Variants in AGR2 observed in about 807,000 individuals in gnomAD.
AGR2 encodes the protein anterior gradient 2, protein disulphide isomerase family member, also known as anterior gradient protein 2 homolog.
Under a neutral mutation model 25.9 loss-of-function variants are expected in AGR2, and 27 were observed. The ratio of observed to expected loss-of-function variants is 1.04; its 90% CI spans 0.77 to 1.44. The LOEUF is 1.44. AGR2 is among the 40% of genes most tolerant of loss of function. AGR2 has a pLI of 0.00. For synonymous variants in AGR2, 78 were observed against 72.0 expected, an observed-to-expected ratio of 1.08 and a Z score of -0.42; for missense variants, 182 against 200.9, an observed-to-expected ratio of 0.91 and a Z score of 0.57.
Position 16,797,625 on chromosome 7 carries a change from G to A in AGR2, c.394+6C>T, listed in dbSNP as rs368290424. ...TCCGAGTTATCTCACTGTCACTTCC[G>A]CTTACCAACAAACATAATCCTGGGG... On this transcript the variant is annotated splice_donor_region_variant and intron_variant, in intron 6 of 7. Transcript: ENST00000419304. 2.1e-4 allele frequency: 343 copies of A among 1,613,278 alleles called. No individual in the cohort carries two copies. Among genetic ancestry groups the A allele is most frequent in the Non-Finnish European group, 2.8e-4 (329 of 1,179,534 alleles).
At position 16,792,956 on chromosome 7, in the gene AGR2, C is replaced by A. The variant is rs747674876; in HGVS notation, c.480G>T (p.Leu160Phe). Residue 160 changes from leucine to phenylalanine, a missense_variant and splice_region_variant, in exon 8 of 8, where the codon TTG becomes TTT. Coordinates refer to ENST00000419304, the MANE Select transcript of AGR2 (RefSeq NM_006408.4). The part of the protein sequence containing the change: ...YAYEPADTAL[L>F]LDNMKKALKL... ...TGAGAGCTTTCTTCATGTTGTCAAG[C>A]ACTAATGGGGGATAAAAGCAGGAGA... is the stretch of plus-strand genomic sequence containing the variant. The A allele has an allele frequency of 1.9e-6, 3 of 1,613,892 alleles. No homozygotes were observed. Among genetic ancestry groups the A allele is most frequent in the Non-Finnish European group, 2.5e-6 (3 of 1,179,846 alleles).
At chr7:16,802,106 G>A (rs34114714) in intron 1 of AGR2, among the ~76,000 whole-genome samples, 44,883 of 151,524 alleles carry the variant, frequency 0.3, 7,523 homozygotes, top group Admixed American at 0.39. Flanking sequence ...AGCTAACCAC[G>A]GTCAACCGCG....
chr7:16,802,961 G>T (rs1224937251), intron 1 of AGR2, among the ~76,000 whole-genome samples: 1 of 151,874 alleles, frequency 6.6e-6, no homozygotes, highest in Non-Finnish European at 1.5e-5. Flanking sequence ...GCCTCCCAAG[G>T]AGCTGGGGCT....
intron 2 of AGR2, 129 bp from the exon 3 acceptor site, chr7:16,801,512 G>A (rs1785143700): frequency 1.5e-6 from 2 of 1,344,142 alleles, no homozygotes; most frequent in Middle Eastern, 1.8e-4. Context: ...GGAGAAAGTA[G>A]AAATAATTAT....
rs999763937 is a variant in AGR2, at chr7:16,792,575, C to G, written c.*333G>C. 1.2e-5 allele frequency: 3 copies of G among 259,648 alleles called. No individual in the cohort carries two copies. Among genetic ancestry groups the G allele is most frequent in the Admixed American group, 5.1e-5 (1 of 19,504 alleles). The allele number at this position is 259,648 out of a possible 1,614,324, so 16.1% of individuals were successfully genotyped here. On this transcript the variant is annotated 3_prime_UTR_variant, in exon 8 of 8. Transcript: ENST00000419304. ...GAACTAGTTTTGGTTTTGTCTTGTC[C>G]CTTCCTTGAGCATTTTGTGTGTGTT... is the stretch of plus-strand genomic sequence containing the variant.
chr7:16,800,813 G>T (rs892444967), intron 4 of AGR2, among the ~76,000 whole-genome samples: 4 of 152,184 alleles, frequency 2.6e-5, no homozygotes, highest in Non-Finnish European at 4.4e-5. Context: ...TAAGCTTGGG[G>T]CCCTGTGAGA....
chr7:16,801,446 A>AT (rs1258107615), intron 2 of AGR2, 63 bp from the exon 3 acceptor site: 1 of 1,500,472 alleles, frequency 6.7e-7, no homozygotes, highest in Non-Finnish European at 9.2e-7. Context: ...GCTGTTGAAA[A>AT]GCAATGGTAA....
chr7:16,801,689 A>G lies in AGR2; in HGVS notation c.108T>C (p.Ser36=), dbSNP rs1376866971. Residue 36 remains serine (S), a synonymous_variant, in exon 2 of 8, where the codon TCT becomes TCC. Transcript: ENST00000419304. The part of the protein sequence containing the change: ...KPGAKKDTKD[S]RPKLPQTLSR... The stretch of plus-strand genomic sequence containing the variant: ...AGAGGGTCTGGGGCAGTTTGGGTCG[A>G]GAGTCCTTTGTGTCCTTTTTGGCTC... The G allele has an allele frequency of 4.3e-6, 7 of 1,613,868 alleles. No homozygotes were observed. In the East Asian group the frequency reaches 8.9e-5, roughly 21 times the overall value.
chr7:16,795,104 T>G, intron 6 of AGR2, 85 bp from the exon 7 acceptor site: 1 of 1,403,184 alleles, frequency 7.1e-7, no homozygotes, highest in Non-Finnish European at 1.0e-6. Flanking sequence ...CTGAAGTTCA[T>G]GTATTCATGT....
At chr7:16,803,783 T>C (rs1463122248) in intron 1 of AGR2, among the ~76,000 whole-genome samples, 31 of 152,224 alleles carry the variant, frequency 2.0e-4, no homozygotes, top group Admixed American at 2.0e-3. Context: ...GACTTCTTTG[T>C]AATGTTAAAA....
chr7:16,793,081 C>A, intron 7 of AGR2, 124 bp from the exon 8 acceptor site: 1 of 858,094 alleles, frequency 1.2e-6, no homozygotes, highest in South Asian at 1.6e-5. Context: ...GACAAGGTCT[C>A]ACTCCCACTC....
chr7:16,797,173 C>T (rs549955376), intron 6 of AGR2, among the ~76,000 whole-genome samples: 12 of 152,180 alleles, frequency 7.9e-5, no homozygotes, highest in South Asian at 2.1e-4. Context: ...AGTGATCTGC[C>T]GGCCTTGGCC....
intron 6 of AGR2, among the ~76,000 whole-genome samples, chr7:16,795,555 T>A (rs1317941104): frequency 6.6e-6 from 1 of 152,208 alleles, no homozygotes; most frequent in Non-Finnish European, 1.5e-5. Flanking sequence ...GTTAATTAAC[T>A]GCATTTTTAA....
chr7:16,801,459 A>T, intron 2 of AGR2, 76 bp from the exon 3 acceptor site: 1 of 1,421,882 alleles, frequency 7.0e-7, no homozygotes, highest in Admixed American at 1.8e-5. Flanking sequence ...AATGGTAAAG[A>T]CTGGGATAAT....
In AGR2 at chr7:16,794,899, A is replaced by G. The variant is rs200729719; in HGVS notation, c.478+37T>C. ...ATCACTACAGCAATAGAGGTGTTCA[A>G]CTCTTGGGCAACATCCGAATTGAAG... On this transcript the variant is annotated intron_variant, in intron 7 of 7. Transcript: ENST00000419304. 1.7e-3 allele frequency: 2,822 copies of G among 1,613,770 alleles called. 7 individuals are homozygous for G. The highest frequency in any genetic ancestry group is 2.2e-3 in the Non-Finnish European group (2,611 of 1,179,814).
At chr7:16,795,298 A>T (rs75251581) in intron 6 of AGR2, among the ~76,000 whole-genome samples, 4,784 of 149,656 alleles carry the variant, frequency 0.032, 124 homozygotes, top group South Asian at 0.07. Flanking sequence ...AGAATAATAT[A>T]TATTTAGGGG....
At chr7:16,798,356 T>G (rs1431262221) in intron 5 of AGR2, among the ~76,000 whole-genome samples, 1 of 151,394 alleles carries the variant, frequency 6.6e-6, no homozygotes, top group Admixed American at 6.6e-5. Context: ...GGGGGAAGAG[T>G]ATGGAGAGGA....
chr7:16,798,375 G>A (rs1015523437), intron 5 of AGR2, among the ~76,000 whole-genome samples: 1 of 152,192 alleles, frequency 6.6e-6, no homozygotes, highest in Non-Finnish European at 1.5e-5. Flanking sequence ...GACAGGTGGA[G>A]CATTTTCTCC....
In AGR2 at chr7:16,799,465, C is replaced by T. The variant is rs190592089; in HGVS notation, c.330+279G>A. 9 of 357,038 alleles carry T rather than the reference C, an allele frequency of 2.5e-5. No individual in the cohort carries two copies. The East Asian group carries it at 4.6e-4, about 18-fold the overall frequency. 22.1% of individuals were successfully genotyped at this position (357,038 alleles called of 1,614,324 possible). The stretch of plus-strand genomic sequence containing the variant: ...GAAGCCAGGACTATAGAGGGACAGG[C>T]ACAGCAAGTAACAAAAACCTTCCAG... On this transcript the variant is annotated intron_variant, in intron 5 of 7. Transcript: ENST00000419304.
Sources: allele counts gnomAD v4.1 joint callset (sites outside exome capture counted in the v4.1 genomes callset), GRCh38; gene constraint gnomAD v4.1.1; transcripts MANE v1.5; gene names NCBI Gene and HGNC (gene_info 2026-07-23, HGNC 2026-07-21).